The following NRG1 variants were observed in gnomAD, a reference collection of about 807,000 sequenced individuals.
NRG1 encodes neuregulin 1.
Under a neutral mutation model 63.8 loss-of-function variants are expected in NRG1, and 18 were observed. That is an observed-to-expected ratio of 0.28 (90% CI 0.19 to 0.42). The LOEUF (loss-of-function observed/expected upper bound fraction) is 0.42. Ranked by LOEUF, NRG1 falls within the 10% of genes least tolerant of loss-of-function variation. The probability of loss-of-function intolerance (pLI) is 1.00; values close to 1 mark genes in which losing one functional copy is unlikely to be tolerated. For missense variants in NRG1, 762 were observed against 814.7 expected (o/e 0.94, Z 0.79); for synonymous variants, 302 against 301.3 (o/e 1.00, Z -0.02).
chr8:32,000,924 C>G (rs1250968127), intron 1 of NRG1, among the ~76,000 whole-genome samples: 1 of 151,914 alleles, frequency 6.6e-6, no homozygotes, highest in Non-Finnish European at 1.5e-5. Context: ...ATTGTTTTCA[C>G]TATTATAAAT....
At chr8:32,025,918 C>A (rs143461318) in intron 1 of NRG1, among the ~76,000 whole-genome samples, 3,749 of 146,126 alleles carry the variant, frequency 0.026, 53 homozygotes, top group African/African-American at 0.043. Context: ...TGCATTACGG[C>A]CTGGCCGAGA....
At position 31,640,053 on chromosome 8, in the gene NRG1, C is replaced by T. The variant is rs1218204676; in HGVS notation, c.37+622C>T. ...CCCGGGCCCAGCGCCCCGGCTCCGC[C>T]GCCCGCTCGTCGCCGCCGCTGCCGC... On this transcript the variant is annotated intron_variant, in intron 1 of 10. Coordinates refer to the NRG1 transcript ENST00000519301. The surrounding 1 kb of genome is among the most constrained non-coding windows in gnomAD (Gnocchi z 6.3). 2.6e-6 allele frequency: 3 copies of T among 1,144,080 alleles called. No individual in the cohort carries two copies. Among genetic ancestry groups the T allele is most frequent in the Admixed American group, 4.9e-5 (1 of 20,552 alleles). The allele number at this position is 1,144,080 out of a possible 1,614,324, so 70.9% of individuals were successfully genotyped here.
At chr8:32,629,123 G>A (rs1242518293) in intron 5 of NRG1, among the ~76,000 whole-genome samples, 4 of 152,090 alleles carry the variant, frequency 2.6e-5, no homozygotes, top group Non-Finnish European at 5.9e-5. Flanking sequence ...TTTATTTGAA[G>A]TGCAGACCTG....
At position 32,742,164 on chromosome 8, in the gene NRG1, G is replaced by A. The variant is rs1196260893; in HGVS notation, c.633-511G>A. Reference sequence around the variant, plus strand: ...GTGCTTTTACAGCTCAGTCGTAACTGATTCATTTTGTTCTAATTATGGCTT... The same window carrying A: ...GTGCTTTTACAGCTCAGTCGTAACTAATTCATTTTGTTCTAATTATGGCTT... On this transcript the variant is annotated intron_variant, in intron 6 of 11. Coordinates refer to ENST00000356819, the Ensembl canonical transcript of NRG1. The surrounding 1 kb of genome is among the most constrained non-coding windows in gnomAD (Gnocchi z 4.2). 6.7e-6 allele frequency: 7 copies of A among 1,038,896 alleles called. No individual in the cohort carries two copies. Among genetic ancestry groups the A allele is most frequent in the Non-Finnish European group, 1.0e-5 (7 of 669,318 alleles). The allele number at this position is 1,038,896 out of a possible 1,614,324, so 64.4% of individuals were successfully genotyped here.
chr8:32,141,521 AGTGTGTGTGT>A (rs10555336), intron 1 of NRG1, among the ~76,000 whole-genome samples: 2 of 129,950 alleles, frequency 1.5e-5, no homozygotes, highest in African/African-American at 5.8e-5. Context: ...GAGATAGTTA[AGTGTGTGTGT>A]GTGTGTGTGT....
chr8:32,001,721 A>G (rs995143749), intron 1 of NRG1, among the ~76,000 whole-genome samples: 8 of 151,996 alleles, frequency 5.3e-5, no homozygotes, highest in East Asian at 1.9e-4. Flanking sequence ...GAGTAATACT[A>G]GCAGGGATAC....
chr8:32,544,044 G>GAT (rs1832821322), upstream of NRG1, among the ~76,000 whole-genome samples: 1 of 152,040 alleles, frequency 6.6e-6, no homozygotes, highest in Non-Finnish European at 1.5e-5. Flanking sequence ...TCTCAGTTTT[G>GAT]TGTGTATTCC....
chr8:32,506,214 C>T (rs935993946), intron 1 of NRG1, among the ~76,000 whole-genome samples: 3 of 152,184 alleles, frequency 2.0e-5, no homozygotes, highest in Non-Finnish European at 4.4e-5. Flanking sequence ...CAACACTGCG[C>T]TCCAGCCTGG....
At chr8:32,038,324 C>A (rs1273018840) in intron 1 of NRG1, among the ~76,000 whole-genome samples, 1 of 151,934 alleles carries the variant, frequency 6.6e-6, no homozygotes, top group Non-Finnish European at 1.5e-5. Flanking sequence ...TCTAGTCAGT[C>A]CCAATTAGAG....
chr8:32,151,786 T>G (rs1485552595), intron 1 of NRG1, among the ~76,000 whole-genome samples: 1 of 152,168 alleles, frequency 6.6e-6, no homozygotes, highest in Non-Finnish European at 1.5e-5. Flanking sequence ...TACTTTAATA[T>G]TCTACCTATG....
intron 1 of NRG1, among the ~76,000 whole-genome samples, chr8:32,357,018 C>T (rs750837718): frequency 9.2e-5 from 14 of 152,148 alleles, no homozygotes; most frequent in East Asian, 5.8e-4. Flanking sequence ...CTGCAGTGAT[C>T]TCATAGGCAT....
At chr8:32,267,203 G>C (rs1488033626) in intron 1 of NRG1, among the ~76,000 whole-genome samples, 1 of 144,618 alleles carries the variant, frequency 6.9e-6, no homozygotes, top group African/African-American at 2.7e-5. Flanking sequence ...AGGAAGGAAG[G>C]AAGGAAAAAT....
chr8:32,034,303 C>A (rs546051131), intron 1 of NRG1, among the ~76,000 whole-genome samples: 1 of 152,330 alleles, frequency 6.6e-6, no homozygotes, highest in East Asian at 1.9e-4. Context: ...ATTAAGCCAA[C>A]TTTATCATGG....
intron 1 of NRG1, among the ~76,000 whole-genome samples, chr8:32,327,925 A>G (rs1193626314): frequency 6.6e-6 from 1 of 152,226 alleles, no homozygotes; most frequent in East Asian, 1.9e-4. Context: ...CAACTCTATC[A>G]TCATAAGAAA....
At position 32,710,541 on chromosome 8, in the gene NRG1, T is replaced by G. The variant is rs775582903; in HGVS notation, c.503-17408T>G. Among the ~76,000 whole-genome samples, 36 of 152,228 alleles carry G rather than the reference T, an allele frequency of 2.4e-4. 1 individual carries two copies. The highest frequency in any genetic ancestry group is 4.1e-4 in the Non-Finnish European group (28 of 68,024). On this transcript the variant is annotated intron_variant, in intron 5 of 11. Coordinates refer to ENST00000356819, the Ensembl canonical transcript of NRG1. ...GTATGTGCATTTTTATGTATATGCATTTCTCTTTGGTCTCATAAAAAAGTA... is the reference window on the plus strand; with the variant it reads ...GTATGTGCATTTTTATGTATATGCAGTTCTCTTTGGTCTCATAAAAAAGTA...
At chr8:32,052,051 T>C (rs1170909232) in intron 1 of NRG1, among the ~76,000 whole-genome samples, 2 of 152,084 alleles carry the variant, frequency 1.3e-5, no homozygotes, top group Non-Finnish European at 2.9e-5. Flanking sequence ...GAGCAGTTAT[T>C]ATCAAGAGAA....
intron 1 of NRG1, among the ~76,000 whole-genome samples, chr8:32,071,655 GTTTTCT>G (rs935703540): frequency 3.3e-5 from 5 of 152,158 alleles, no homozygotes; most frequent in African/African-American, 1.2e-4. Flanking sequence ...TCAAACTGAG[GTTTTCT>G]TTCATGATAA....
intron 2 of NRG1, 70 bp downstream of exon 2, chr8:32,596,075 C>T (rs974259602): frequency 8.4e-7 from 1 of 1,191,494 alleles, no homozygotes; most frequent in African/African-American, 1.5e-5. Flanking sequence ...TTATTTAGAC[C>T]CTAATAAGTG....
chr8:32,730,696 TCATAG>T (rs1271915961), intron 6 of NRG1, among the ~76,000 whole-genome samples: 2 of 152,216 alleles, frequency 1.3e-5, no homozygotes, highest in East Asian at 3.9e-4. Flanking sequence ...CCCATATTTA[TCATAG>T]CAAATTGGGA....
Sources: allele counts gnomAD v4.1 joint callset (sites outside exome capture counted in the v4.1 genomes callset), GRCh38; gene constraint gnomAD v4.1.1; non-coding constraint Gnocchi (gnomAD v3.1); transcripts MANE v1.5; gene names NCBI Gene and HGNC (gene_info 2026-07-23, HGNC 2026-07-21).